Variants in CSMD2 observed in about 807,000 individuals in gnomAD.
CSMD2 encodes CUB and sushi domain-containing protein 2.
In CSMD2, 130 loss-of-function variants were observed where a neutral mutation model predicts 398.5. That is an observed-to-expected ratio of 0.33 (90% confidence interval 0.28 to 0.38). CSMD2 has a LOEUF of 0.38. Among genes scored for constraint, CSMD2 ranks in the 10% least tolerant of loss-of-function variants. CSMD2 has a pLI of 1.00. For synonymous variants in CSMD2, 1,828 were observed against 1,908.5 expected (o/e 0.96, Z 1.10); for missense variants, 3,829 against 4,764.9 (o/e 0.80, Z 5.78).
chr1:34,003,376 G>A (rs1207678869), intron 3 of CSMD2, among the ~76,000 whole-genome samples: 1 of 152,156 alleles, frequency 6.6e-6, no homozygotes, highest in Non-Finnish European at 1.5e-5. Flanking sequence ...TGGTAACATA[G>A]TTTTGCGCCT....
chr1:34,108,776 C>A (rs1254244771), intron 1 of CSMD2, among the ~76,000 whole-genome samples: 1 of 152,312 alleles, frequency 6.6e-6, no homozygotes, highest in Admixed American at 6.5e-5. Context: ...ACTCTGTCTT[C>A]CTGCCTTGGG....
In CSMD2 at chr1:33,537,599, G is replaced by A. The variant is rs745537432; in HGVS notation, c.9642C>T (p.Cys3214=). Residue 3214 remains cysteine, a synonymous_variant, in exon 61 of 71, where the codon TGC becomes TGT. Transcript: ENST00000373381. This position sits in a 1 kb window ranked among gnomAD's most constrained non-coding sequence, Gnocchi z 4.6. ...GELPQCFPVF[C]GDPGVPSRGR... ...CACGGGACGGGACACCAGGATCCCCGCAGAACACAGCTGGGAAGACGAAGG... is the reference window on the plus strand; with the variant it reads ...CACGGGACGGGACACCAGGATCCCCACAGAACACAGCTGGGAAGACGAAGG... 14 of 1,612,560 alleles carry A rather than the reference G, an allele frequency of 8.7e-6. 1 individual carries two copies. Among genetic ancestry groups the A allele is most frequent in the East Asian group, 4.5e-5 (2 of 44,882 alleles).
chr1:33,832,940 G>A (rs1659774277), intron 6 of CSMD2, among the ~76,000 whole-genome samples: 1 of 152,058 alleles, frequency 6.6e-6, no homozygotes, highest in African/African-American at 2.4e-5. Context: ...ACCCTCCCAA[G>A]ACTAAACCAG....
chr1:33,552,780 G>A (rs1019436517), intron 55 of CSMD2, among the ~76,000 whole-genome samples: 7 of 152,092 alleles, frequency 4.6e-5, no homozygotes, highest in African/African-American at 9.7e-5. Flanking sequence ...AAGCTGGGGT[G>A]GGGTGGGCAA....
intron 5 of CSMD2, among the ~76,000 whole-genome samples, chr1:33,916,428 C>A (rs746333456): frequency 2.6e-5 from 4 of 152,218 alleles, no homozygotes; most frequent in Admixed American, 2.6e-4. Flanking sequence ...TCACACTGCG[C>A]AGATCATCAG....
chr1:33,875,986 G>A (rs1170554319), intron 5 of CSMD2, among the ~76,000 whole-genome samples: 1 of 152,186 alleles, frequency 6.6e-6, no homozygotes, highest in East Asian at 1.9e-4. Flanking sequence ...CCAAGGTCTA[G>A]GTGTAGGTGC....
In CSMD2 at chr1:34,151,469, C is replaced by A. The variant is rs929691189; in HGVS notation, c.187+13442G>T. Among the ~76,000 whole-genome samples the A allele has an allele frequency of 2.0e-5, 3 of 152,106 alleles. No individual in the cohort carries two copies. In the East Asian group the frequency reaches 5.8e-4, roughly 29 times the overall value. ...AGCAAGGTGAAAGGTCAGGAAGAGGCTCTCACAGATGGCAAGGCTGAGGAT... is the reference window on the plus strand; with the variant it reads ...AGCAAGGTGAAAGGTCAGGAAGAGGATCTCACAGATGGCAAGGCTGAGGAT... On this transcript the variant is annotated intron_variant, in intron 1 of 70. Transcript: ENST00000373381.
At chr1:33,552,429 G>A (rs753216925) in intron 55 of CSMD2, among the ~76,000 whole-genome samples, 13 of 152,152 alleles carry the variant, frequency 8.5e-5, no homozygotes, top group Non-Finnish European at 1.6e-4. Flanking sequence ...AATTGACAAC[G>A]TGTTCACACA....
chr1:33,647,810 C>G (rs1643535412), intron 28 of CSMD2, among the ~76,000 whole-genome samples: 1 of 152,202 alleles, frequency 6.6e-6, no homozygotes, highest in African/African-American at 2.4e-5. Context: ...AAATGGATAA[C>G]TTGTTTCACG....
chr1:34,031,622 GT>G (rs1354667662), intron 3 of CSMD2, among the ~76,000 whole-genome samples: 1 of 152,006 alleles, frequency 6.6e-6, no homozygotes, highest in Non-Finnish European at 1.5e-5. Context: ...ACCAGGGGTG[GT>G]TTTTTGCTAA....
chr1:34,109,641 G>A lies in CSMD2; in HGVS notation c.188-20448C>T, dbSNP rs546633452. Among the ~76,000 whole-genome samples, 4 of 151,274 alleles carry A rather than the reference G, an allele frequency of 2.6e-5. No individual in the cohort carries two copies. The South Asian group carries it at 8.6e-4, about 33-fold the overall frequency. On this transcript the variant is annotated intron_variant, in intron 1 of 70. Transcript: ENST00000373381. ...TCTGCAAACTATGCATCTGACAAAG[G>A]TCTAATATTCAGCATCTGTAAGGAA...
At chr1:33,572,763 C>A (rs912108950) in intron 49 of CSMD2, 72 bp from the exon 50 acceptor site, 24 of 1,295,412 alleles carry the variant, frequency 1.9e-5, no homozygotes, top group Non-Finnish European at 2.3e-5. Flanking sequence ...TTTATCCTTC[C>A]TCCCCTCCCA....
intron 3 of CSMD2, among the ~76,000 whole-genome samples, chr1:33,963,813 T>C (rs976085143): frequency 3.9e-5 from 6 of 152,250 alleles, no homozygotes; most frequent in Non-Finnish European, 2.9e-5. Flanking sequence ...CATCTGTTGA[T>C]GGACATTTGC....
intron 25 of CSMD2, among the ~76,000 whole-genome samples, chr1:33,665,459 TC>T (rs1356636799): frequency 3.1e-5 from 4 of 127,608 alleles, no homozygotes; most frequent in Non-Finnish European, 5.0e-5. Context: ...CTTTCTTCTC[TC>T]TTTTTTTTTT....
chr1:33,734,602 T>C (rs1012096215), intron 15 of CSMD2, among the ~76,000 whole-genome samples: 1 of 152,000 alleles, frequency 6.6e-6, no homozygotes, highest in Non-Finnish European at 1.5e-5. Flanking sequence ...CTGGCCAACA[T>C]AGTGAAACCC....
intron 2 of CSMD2, among the ~76,000 whole-genome samples, chr1:34,086,137 T>C (rs760255035): frequency 2.6e-5 from 4 of 152,114 alleles, no homozygotes; most frequent in South Asian, 2.1e-4. Context: ...GCAGGCAGAA[T>C]TGGAGAATTT....
chr1:33,988,549 T>C (rs1646438355), intron 3 of CSMD2, among the ~76,000 whole-genome samples: 1 of 152,222 alleles, frequency 6.6e-6, no homozygotes, highest in Admixed American at 6.5e-5. Context: ...TAGTTATCTT[T>C]CTAGGGCCAG....
Position 33,792,488 on chromosome 1 carries a change from C to T in CSMD2, c.1485G>A (p.Arg495=). 1 of 1,614,048 alleles carries T rather than the reference C, an allele frequency of 6.2e-7. No individual in the cohort carries two copies. Among genetic ancestry groups the T allele is most frequent in the Non-Finnish European group, 8.5e-7 (1 of 1,179,978 alleles). The part of the protein sequence containing the change: ...KLAFEEFDLE[R]GYDTLTVGDG... ...CACCGACCGTCAGGGTGTCATAGCC[C>T]CTCTCCAAATCAAACTCCTCAAAGG... Residue 495 remains arginine, a synonymous_variant, in exon 11 of 71, where the codon AGG becomes AGA. Coordinates refer to ENST00000373381, the MANE Select transcript of CSMD2 (RefSeq NM_001281956.2).
At chr1:34,143,196 G>A (rs950090029) in intron 1 of CSMD2, among the ~76,000 whole-genome samples, 1 of 152,050 alleles carries the variant, frequency 6.6e-6, no homozygotes, top group Non-Finnish European at 1.5e-5. Context: ...GTACAGCAAC[G>A]TGTTCAACAT....
Sources: allele counts gnomAD v4.1 joint callset (sites outside exome capture counted in the v4.1 genomes callset), GRCh38; gene constraint gnomAD v4.1.1; non-coding constraint Gnocchi (gnomAD v3.1); transcripts MANE v1.5; gene names NCBI Gene and HGNC (gene_info 2026-07-23, HGNC 2026-07-21).